The following BIN1 variants were observed in gnomAD, a reference collection of about 807,000 sequenced individuals.
BIN1 encodes bridging integrator 1.
BIN1 carries 53 observed loss-of-function variants against 82.0 expected under a neutral mutation model. That is an observed-to-expected ratio of 0.65 (90% confidence interval 0.52 to 0.81). The LOEUF is 0.81. Among genes scored for constraint, BIN1 ranks in the 40% least tolerant of loss-of-function variants. The probability of loss-of-function intolerance (pLI) is 0.00; values close to 1 mark genes in which losing one functional copy is unlikely to be tolerated. For missense variants in BIN1, 642 were observed against 784.4 expected (o/e 0.82, Z 2.17); for synonymous variants, 302 against 328.0 (o/e 0.92, Z 0.86).
At chr2:127,050,547 C>G (rs761929168) in intron 17 of BIN1, 25 bp from the exon 18 acceptor site, 4 of 1,613,094 alleles carry the variant, frequency 2.5e-6, no homozygotes, top group African/African-American at 2.7e-5. Context: ...GATCGCAAGT[C>G]AGACCTTCCG....
At chr2:127,105,458 G>A (rs1244698612) in intron 1 of BIN1, among the ~76,000 whole-genome samples, 1 of 130,290 alleles carries the variant, frequency 7.7e-6, no homozygotes, top group Non-Finnish European at 1.6e-5. Context: ...CTATTCCTGG[G>A]GCTTTAATCC....
intron 1 of BIN1, among the ~76,000 whole-genome samples, chr2:127,091,874 T>C (rs770560447): frequency 2.0e-5 from 3 of 151,858 alleles, no homozygotes; most frequent in Non-Finnish European, 4.4e-5. Context: ...TCAGCCTGGG[T>C]AACAGAGCAA....
chr2:127,074,100 C>G (rs1407212308), intron 2 of BIN1, among the ~76,000 whole-genome samples: 2 of 152,060 alleles, frequency 1.3e-5, no homozygotes, highest in Non-Finnish European at 2.9e-5. Context: ...CCATCCTTGT[C>G]CCTTGTAGTG....
chr2:127,072,393 A>T (rs1686001385), intron 2 of BIN1, among the ~76,000 whole-genome samples: 1 of 152,228 alleles, frequency 6.6e-6, no homozygotes, highest in Admixed American at 6.5e-5. Flanking sequence ...AGAAGCGGAC[A>T]GAGGGTCAGC....
chr2:127,053,649 A>G (rs1018241014), intron 13 of BIN1: 33 of 763,438 alleles, frequency 4.3e-5, no homozygotes, highest in Non-Finnish European at 7.5e-5. Flanking sequence ...ACCCCAAGCC[A>G]GGATGCTTCT....
At chr2:127,054,110 C>A in intron 12 of BIN1, 98 bp from the exon 13 acceptor site, 1 of 950,496 alleles carries the variant, frequency 1.1e-6, no homozygotes, top group Non-Finnish European at 1.7e-6. Flanking sequence ...CACGCGTGGA[C>A]ACACACACAT....
Position 127,070,830 on chromosome 2 carries a change from G to A in BIN1, c.166-14C>T, listed in dbSNP as rs1685795960. On this transcript the variant is annotated splice_polypyrimidine_tract_variant and intron_variant, in intron 2 of 18. Coordinates refer to ENST00000316724, the MANE Select transcript of BIN1 (RefSeq NM_139343.3). ...GGTGCCCTCCGTCTGCAAAGAGAAG[G>A]ACAAGGACCAGGTCAGGGACTGGTG... The A allele has an allele frequency of 3.1e-6, 5 of 1,610,472 alleles. No individual in the cohort carries two copies. The East Asian group carries it at 1.1e-4, about 36-fold the overall frequency.
At chr2:127,088,517 C>G (rs1243335138) in intron 1 of BIN1, among the ~76,000 whole-genome samples, 1 of 152,136 alleles carries the variant, frequency 6.6e-6, no homozygotes, top group African/African-American at 2.4e-5. Context: ...GGGCAAATCA[C>G]CTAAGGTCAG....
rs1364371450 is a variant in BIN1, at chr2:127,057,716, C to T, written c.1003-115G>A. 52 of 1,310,994 alleles carry T rather than the reference C, an allele frequency of 4.0e-5. No homozygotes were observed. The highest frequency in any genetic ancestry group is 5.0e-5 in the Non-Finnish European group (50 of 995,266). 81.2% of individuals were successfully genotyped at this position (1,310,994 alleles called of 1,614,324 possible). ...AGTCACACCTCAGGCCACAGTCCCA[C>T]CCAGGCCACTGAGCAGGACGCAGCA... On this transcript the variant is annotated intron_variant, in intron 11 of 18. Transcript: ENST00000316724. This position sits in a 1 kb window ranked among gnomAD's most constrained non-coding sequence, Gnocchi z 5.0.
intron 1 of BIN1, among the ~76,000 whole-genome samples, chr2:127,081,136 C>A (rs546505657): frequency 2.0e-5 from 3 of 152,218 alleles, no homozygotes; most frequent in Non-Finnish European, 4.4e-5. Flanking sequence ...TGACCCACAG[C>A]GTGAGTCATG....
chr2:127,090,737 G>A lies in BIN1; in HGVS notation c.85-14031C>T, dbSNP rs1214358155. 6.6e-6 allele frequency among the ~76,000 whole-genome samples: 1 copy of A among 152,194 alleles called. No homozygotes were observed. Among genetic ancestry groups the A allele is most frequent in the Non-Finnish European group, 1.5e-5 (1 of 68,030 alleles). ...CCCCAGCAGCCAGGGCAGGGGAGGG[G>A]GAAGGTCTGGCCAGCACCCACCTGC... On this transcript the variant is annotated intron_variant, in intron 1 of 18. Coordinates refer to ENST00000316724, the MANE Select transcript of BIN1 (RefSeq NM_139343.3). The surrounding 1 kb of genome is among the most constrained non-coding windows in gnomAD (Gnocchi z 6.4).
intron 2 of BIN1, 87 bp from the exon 3 acceptor site, chr2:127,070,903 G>T (rs1685807713): frequency 2.2e-6 from 3 of 1,355,418 alleles, no homozygotes; most frequent in Non-Finnish European, 3.1e-6. Context: ...TCACGTGAAT[G>T]AACCAGGCTG....
intron 2 of BIN1, among the ~76,000 whole-genome samples, chr2:127,076,075 A>C (rs1686567139): frequency 8.2e-6 from 1 of 122,458 alleles, no homozygotes; most frequent in African/African-American, 3.2e-5. Context: ...AGCTACTCCC[A>C]GGCCCTCCCA....
intron 2 of BIN1, among the ~76,000 whole-genome samples, chr2:127,074,733 T>C (rs997004863): frequency 5.9e-5 from 9 of 152,170 alleles, no homozygotes; most frequent in African/African-American, 2.2e-4. Context: ...ACCGGAGTCT[T>C]GCTCTGTAGC....
intron 1 of BIN1, among the ~76,000 whole-genome samples, chr2:127,102,204 T>C (rs769617843): frequency 7.2e-5 from 11 of 152,196 alleles, no homozygotes; most frequent in Non-Finnish European, 1.5e-4. Context: ...ACAGAGGGCC[T>C]ACCTCCAAGG....
intron 1 of BIN1, among the ~76,000 whole-genome samples, chr2:127,104,507 G>T (rs1348879671): frequency 3.3e-5 from 5 of 152,132 alleles, no homozygotes; most frequent in Non-Finnish European, 5.9e-5. Context: ...AGGACGCCAG[G>T]ACTCTCCCAG....
At chr2:127,058,330 T>G (rs1202316873) in intron 11 of BIN1, among the ~76,000 whole-genome samples, 1 of 152,158 alleles carries the variant, frequency 6.6e-6, no homozygotes, top group African/African-American at 2.4e-5. Context: ...GCTCCCACCA[T>G]GTCCTTAGCC....
chr2:127,069,305 C>A (rs1685556047), intron 5 of BIN1, among the ~76,000 whole-genome samples: 1 of 152,164 alleles, frequency 6.6e-6, no homozygotes, highest in Non-Finnish European at 1.5e-5. Flanking sequence ...CTTGGCCTGG[C>A]CCCTGGCTTC....
rs1678823561 is a variant in BIN1 at position 127,090,743 on chromosome 2, T to C, written c.85-14037A>G. 1.3e-5 allele frequency among the ~76,000 whole-genome samples: 2 copies of C among 151,968 alleles called. No individual in the cohort carries two copies. Among genetic ancestry groups the C allele is most frequent in the Admixed American group, 6.6e-5 (1 of 15,266 alleles). On this transcript the variant is annotated intron_variant, in intron 1 of 18. Coordinates refer to ENST00000316724, the MANE Select transcript of BIN1 (RefSeq NM_139343.3). The surrounding 1 kb of genome is among the most constrained non-coding windows in gnomAD (Gnocchi z 6.4). ...CAGCCAGGGCAGGGGAGGGGGAAGG[T>C]CTGGCCAGCACCCACCTGCCTTGGG...
Sources: allele counts gnomAD v4.1 joint callset (sites outside exome capture counted in the v4.1 genomes callset), GRCh38; gene constraint gnomAD v4.1.1; non-coding constraint Gnocchi (gnomAD v3.1); transcripts MANE v1.5; gene names NCBI Gene and HGNC (gene_info 2026-07-23, HGNC 2026-07-21).